Variants in FAM13C observed in about 807,000 individuals in gnomAD.
FAM13C encodes family with sequence similarity 13 member C.
Under a neutral mutation model 73.2 loss-of-function variants are expected in FAM13C, and 37 were observed. The ratio of observed to expected loss-of-function variants is 0.51; its 90% CI spans 0.39 to 0.67. The LOEUF is 0.67. Ranked by LOEUF, FAM13C falls within the 30% of genes least tolerant of loss-of-function variation. The pLI, the probability that FAM13C is intolerant of heterozygous loss-of-function variation, is 0.00. For synonymous variants in FAM13C, 246 were observed against 260.9 expected (o/e 0.94, Z 0.55); for missense variants, 589 against 715.6 (o/e 0.82, Z 2.02).
chr10:59,362,627 G>A (rs1856551937), upstream of FAM13C: 2 of 1,425,044 alleles, frequency 1.4e-6, no homozygotes, highest in South Asian at 3.0e-5. Flanking sequence ...CAGGGGCCCA[G>A]CGGCACGGGC....
At chr10:59,331,456 C>G (rs1851961369) in intron 3 of FAM13C, among the ~76,000 whole-genome samples, 1 of 152,088 alleles carries the variant, frequency 6.6e-6, no homozygotes, top group Non-Finnish European at 1.5e-5. Context: ...GGTGAACAAC[C>G]AGGTAGGTGA....
Position 59,267,033 on chromosome 10 carries a change from T to C in FAM13C, c.942+1520A>G, listed in dbSNP as rs554349391. Among the ~76,000 whole-genome samples, 9 of 152,316 alleles carry C rather than the reference T, an allele frequency of 5.9e-5. No individual in the cohort carries two copies. In the East Asian group the frequency reaches 1.7e-3, roughly 29 times the overall value. The stretch of plus-strand genomic sequence containing the variant: ...GCTACCTAATACTCCATTTTACACA[T>C]GACCAAACTGAGACTCAGAAAGATA... On this transcript the variant is annotated intron_variant, in intron 8 of 13. Coordinates refer to ENST00000618804, the MANE Select transcript of FAM13C (RefSeq NM_198215.4).
intron 6 of FAM13C, among the ~76,000 whole-genome samples, chr10:59,283,144 T>C (rs1391544633): frequency 6.6e-6 from 1 of 152,172 alleles, no homozygotes; most frequent in Non-Finnish European, 1.5e-5. Flanking sequence ...TTTGTGTAAG[T>C]GTGACTCTTG....
chr10:59,344,200 G>A (rs7894886), intron 3 of FAM13C, among the ~76,000 whole-genome samples: 81,149 of 151,140 alleles, frequency 0.54, 23,096 homozygotes, highest in Middle Eastern at 0.63. Flanking sequence ...CTGACCTCGC[G>A]ATCCGCCCAC....
rs1012715777 is a variant in FAM13C, at chr10:59,352,491, C to G, written c.120-17G>C. ...TTTTCATCTCTAAAACAGGAAAGAC[C>G]CAATTTAGAAAGTACCTTAAAAAAA... On this transcript the variant is annotated splice_polypyrimidine_tract_variant and intron_variant, in intron 2 of 13. Coordinates refer to ENST00000618804, the MANE Select transcript of FAM13C (RefSeq NM_198215.4). 6.3e-7 allele frequency: 1 copy of G among 1,580,394 alleles called. No homozygotes were observed. The highest frequency in any genetic ancestry group is 1.2e-5 in the South Asian group (1 of 86,628).
intron 4 of FAM13C, among the ~76,000 whole-genome samples, chr10:59,318,641 A>G (rs760380582): frequency 5.9e-5 from 9 of 151,448 alleles, no homozygotes; most frequent in Non-Finnish European, 1.2e-4. Context: ...TCCTTCCACC[A>G]GGTTGTTTCT....
intron 9 of FAM13C, chr10:59,263,876 C>A: frequency 1.8e-6 from 1 of 551,176 alleles, no homozygotes; most frequent in East Asian, 3.1e-5. Flanking sequence ...GTCTGGAGGT[C>A]CTCAGTTTCT....
At chr10:59,329,404 G>A (rs1029871274) in intron 3 of FAM13C, among the ~76,000 whole-genome samples, 5 of 124,692 alleles carry the variant, frequency 4.0e-5, no homozygotes, top group African/African-American at 1.5e-4. Context: ...CTGTCACTCA[G>A]GCTGGAGCGC....
intron 5 of FAM13C, among the ~76,000 whole-genome samples, chr10:59,294,723 G>C (rs1589494018): frequency 6.6e-6 from 1 of 152,318 alleles, no homozygotes; most frequent in East Asian, 1.9e-4. Flanking sequence ...CCGTGAACAT[G>C]TTGGCTACGG....
chr10:59,266,076 C>T (rs1225484871), intron 8 of FAM13C, among the ~76,000 whole-genome samples: 1 of 152,086 alleles, frequency 6.6e-6, no homozygotes, highest in Non-Finnish European at 1.5e-5. Context: ...ATAAAAAGAC[C>T]TCAGTTGCTG....
intron 8 of FAM13C, 48 bp downstream of exon 8, chr10:59,268,505 A>G: frequency 1.2e-6 from 2 of 1,604,152 alleles, no homozygotes; most frequent in Non-Finnish European, 1.7e-6. Context: ...AGGAGAATCC[A>G]GACACCTCTG....
At chr10:59,313,854 A>G (rs11812286) in intron 4 of FAM13C, among the ~76,000 whole-genome samples, 18,945 of 152,192 alleles carry the variant, frequency 0.12, 1,256 homozygotes, top group South Asian at 0.17. Context: ...GTGAGATTAT[A>G]GAGGGCAAAC....
At chr10:59,303,290 G>A (rs1007093828) in intron 4 of FAM13C, among the ~76,000 whole-genome samples, 1 of 152,092 alleles carries the variant, frequency 6.6e-6, no homozygotes, top group African/African-American at 2.4e-5. Flanking sequence ...AACTAGACAA[G>A]ACATGCCCTC....
intron 3 of FAM13C, among the ~76,000 whole-genome samples, chr10:59,341,704 A>G (rs1003598995): frequency 7.9e-5 from 12 of 152,148 alleles, no homozygotes; most frequent in Non-Finnish European, 1.5e-4. Flanking sequence ...AAAAAAGGAA[A>G]AAGAAAGAAA....
chr10:59,302,299 C>T (rs1847699426), intron 5 of FAM13C, among the ~76,000 whole-genome samples: 2 of 152,096 alleles, frequency 1.3e-5, no homozygotes. Flanking sequence ...ATCATGATGT[C>T]CAGTTTGGTG....
chr10:59,292,009 C>CT (rs1846316373), intron 5 of FAM13C, among the ~76,000 whole-genome samples: 1 of 152,030 alleles, frequency 6.6e-6, no homozygotes, highest in African/African-American at 2.4e-5. Context: ...AGGATGGTCT[C>CT]TATCTCCTGA....
At chr10:59,359,070 T>C (rs200206523) in intron 1 of FAM13C, among the ~76,000 whole-genome samples, 1 of 152,238 alleles carries the variant, frequency 6.6e-6, no homozygotes, top group East Asian at 1.9e-4. Context: ...GCTACTTTGC[T>C]TCCTATTTGA....
At chr10:59,342,806 C>G (rs1853684452) in intron 3 of FAM13C, among the ~76,000 whole-genome samples, 1 of 152,180 alleles carries the variant, frequency 6.6e-6, no homozygotes, top group Admixed American at 6.5e-5. Context: ...AATGTCAGTT[C>G]ATTTTGTTTC....
chr10:59,253,969 A>G (rs959703130), intron 11 of FAM13C: 3 of 218,494 alleles, frequency 1.4e-5, no homozygotes, highest in African/African-American at 6.7e-5. Flanking sequence ...ATATATTGTT[A>G]ATTTTCTGAT....
Sources: gnomAD v4.1 joint callset for allele counts (sites outside exome capture counted in the v4.1 genomes callset) on GRCh38, gnomAD v4.1.1 for gene constraint, MANE v1.5 for transcripts, NCBI Gene and HGNC (gene_info 2026-07-23, HGNC 2026-07-21) for gene names.